CBFA2T3: variants seen among roughly 807,000 people sequenced by gnomAD.
The protein encoded by CBFA2T3 is CBFA2/RUNX1 partner transcriptional co-repressor 3, also known as transcriptional corepressor CBFA2T3.
A neutral mutation model predicts 58.6 loss-of-function variants in CBFA2T3; 31 were observed. The ratio of observed to expected loss-of-function variants is 0.53; its 90% confidence interval spans 0.40 to 0.71. CBFA2T3 has a LOEUF of 0.71. Among genes scored for constraint, CBFA2T3 ranks in the 30% least tolerant of loss-of-function variants. The pLI is 0.00. For missense variants in CBFA2T3, 1,076 were observed against 963.1 expected (o/e 1.12, Z -1.55); for synonymous variants, 531 against 421.9 (o/e 1.26, Z -3.17).
At chr16:88,902,135 C>T (rs567699512) in intron 1 of CBFA2T3, among the ~76,000 whole-genome samples, 124 of 152,364 alleles carry the variant, frequency 8.1e-4, no homozygotes, top group African/African-American at 2.8e-3. Context: ...GCTGGTCTGG[C>T]CCTGGAAGCC....
intron 1 of CBFA2T3, among the ~76,000 whole-genome samples, chr16:88,916,113 C>A (rs571906023): frequency 6.2e-5 from 9 of 145,794 alleles, no homozygotes; most frequent in Non-Finnish European, 9.1e-5. Context: ...GGTGTGTGTC[C>A]GTGTATGTGT....
At chr16:88,907,340 G>A (rs1970372743) in intron 1 of CBFA2T3, among the ~76,000 whole-genome samples, 1 of 151,694 alleles carries the variant, frequency 6.6e-6, no homozygotes, top group Non-Finnish European at 1.5e-5. Flanking sequence ...CCCCTCCCTG[G>A]CTCAGAACAG....
intron 1 of CBFA2T3, among the ~76,000 whole-genome samples, chr16:88,909,064 CA>C (rs780150815): frequency 3.9e-5 from 6 of 152,204 alleles, no homozygotes; most frequent in Admixed American, 3.3e-4. Flanking sequence ...AGGCCCCAGG[CA>C]GGGGAGGAGG....
chr16:88,896,667 G>A (rs1243002259), intron 3 of CBFA2T3, among the ~76,000 whole-genome samples: 1 of 152,188 alleles, frequency 6.6e-6, no homozygotes, highest in African/African-American at 2.4e-5. Context: ...GTCACCATGG[G>A]AGACCTCACT....
intron 5 of CBFA2T3, among the ~76,000 whole-genome samples, chr16:88,891,141 A>T (rs187353987): frequency 6.6e-6 from 1 of 151,876 alleles, no homozygotes; most frequent in Non-Finnish European, 1.5e-5. Context: ...CAGCCACAGA[A>T]GCCCCTTCCC....
intron 1 of CBFA2T3, among the ~76,000 whole-genome samples, chr16:88,913,910 G>A (rs1970605958): frequency 6.6e-6 from 1 of 152,120 alleles, no homozygotes; most frequent in South Asian, 2.1e-4. Flanking sequence ...ACAGCTGCTG[G>A]AATAGCCGGC....
intron 5 of CBFA2T3, among the ~76,000 whole-genome samples, chr16:88,887,732 G>C (rs1232595736): frequency 1.3e-5 from 2 of 152,058 alleles, no homozygotes. Context: ...CAGGGCACCC[G>C]GGGAGGTGTC....
In CBFA2T3 at chr16:88,958,441, C is replaced by T. The variant is rs1223862384; in HGVS notation, c.151+18216G>A. On this transcript the variant is annotated intron_variant, in intron 1 of 11. Coordinates refer to ENST00000268679, the MANE Select transcript of CBFA2T3 (RefSeq NM_005187.6). This position sits in a 1 kb window ranked among gnomAD's most constrained non-coding sequence, Gnocchi z 4.0. ...GGTGTTAGAGTAATGCCAGGCGGGGCGGCGGGGGAAGAAGGTTCTGGGGCG... is the reference window on the plus strand; with the variant it reads ...GGTGTTAGAGTAATGCCAGGCGGGGTGGCGGGGGAAGAAGGTTCTGGGGCG... Among the ~76,000 whole-genome samples, 7 of 131,012 alleles carry T rather than the reference C, an allele frequency of 5.3e-5. No individual in the cohort carries two copies. The highest frequency in any genetic ancestry group is 1.2e-4 in the African/African-American group (4 of 33,904). 85.9% of individuals were successfully genotyped at this position (131,012 alleles called of 152,430 possible). A position where few individuals can be genotyped will look rare whatever the true frequency, so the allele number is the denominator to read the frequency against.
chr16:88,939,818 A>T (rs1971645159), intron 1 of CBFA2T3: 1 of 152,224 alleles, frequency 6.6e-6, no homozygotes, highest in Non-Finnish European at 1.5e-5. Context: ...TGAGGGTCGG[A>T]CGCGCTCAGG....
At chr16:88,914,286 A>C (rs1970619822) in intron 1 of CBFA2T3, among the ~76,000 whole-genome samples, 1 of 152,234 alleles carries the variant, frequency 6.6e-6, no homozygotes, top group Admixed American at 6.5e-5. Context: ...CGCAGTGACC[A>C]GAGGGGGATC....
intron 1 of CBFA2T3, among the ~76,000 whole-genome samples, chr16:88,908,454 A>T (rs1970412224): frequency 6.6e-6 from 1 of 152,166 alleles, no homozygotes; most frequent in Non-Finnish European, 1.5e-5. Context: ...TTCCCAGCAA[A>T]ATGTCACTAA....
chr16:88,910,352 T>TA (rs1970492351), intron 1 of CBFA2T3, among the ~76,000 whole-genome samples: 2 of 152,218 alleles, frequency 1.3e-5, no homozygotes, highest in Admixed American at 6.5e-5. Context: ...CACCCGCCTG[T>TA]CCTGCTCCTT....
At chr16:88,935,360 C>G (rs533285641) in intron 1 of CBFA2T3, among the ~76,000 whole-genome samples, 51 of 152,314 alleles carry the variant, frequency 3.3e-4, no homozygotes, top group African/African-American at 1.2e-3. Flanking sequence ...GTGAGAGCCC[C>G]CCACCACCTG....
At chr16:88,925,444 A>C (rs2142749694) in intron 1 of CBFA2T3, among the ~76,000 whole-genome samples, 1 of 152,226 alleles carries the variant, frequency 6.6e-6, no homozygotes, top group African/African-American at 2.4e-5. Context: ...CCCCCAGGGA[A>C]TATTCTGCAG....
intron 1 of CBFA2T3, among the ~76,000 whole-genome samples, chr16:88,913,096 C>T (rs1277860905): frequency 6.6e-6 from 1 of 152,256 alleles, no homozygotes; most frequent in African/African-American, 2.4e-5. Flanking sequence ...TCCCTGCCCC[C>T]TGGATCTGGG....
At chr16:88,966,930 G>A (rs975267617) in intron 1 of CBFA2T3, among the ~76,000 whole-genome samples, 2 of 152,190 alleles carry the variant, frequency 1.3e-5, no homozygotes, top group African/African-American at 2.4e-5. Context: ...TGAGAACTTC[G>A]TATCACACTC....
chr16:88,882,762 C>A lies in CBFA2T3; in HGVS notation c.1118-1G>T. On this transcript the variant is annotated splice_acceptor_variant, in intron 7 of 11. Transcript: ENST00000268679. LOFTEE classifies it high-confidence loss of function. ...TCTTCCTGCCGGGACCCAGGCACCA[C>A]TGTGGATGGGGGAGGTGCACGCTTA... is the stretch of plus-strand genomic sequence containing the variant. 6.4e-7 allele frequency: 1 copy of A among 1,566,404 alleles called. No homozygotes were observed. The highest frequency in any genetic ancestry group is 8.7e-7 in the Non-Finnish European group (1 of 1,153,148).
intron 1 of CBFA2T3, among the ~76,000 whole-genome samples, chr16:88,904,503 C>T (rs1970227532): frequency 6.6e-6 from 1 of 152,234 alleles, no homozygotes; most frequent in South Asian, 2.1e-4. Context: ...CTCCGCTTGT[C>T]ATCAACACGC....
intron 3 of CBFA2T3, among the ~76,000 whole-genome samples, chr16:88,895,345 C>T (rs1296515935): frequency 6.6e-6 from 1 of 152,188 alleles, no homozygotes; most frequent in African/African-American, 2.4e-5. Flanking sequence ...CCTTCCCGAC[C>T]CGTGGTCTAG....
Sources: gnomAD v4.1 joint callset for allele counts (sites outside exome capture counted in the v4.1 genomes callset) on GRCh38, gnomAD v4.1.1 for gene constraint, Gnocchi (gnomAD v3.1) non-coding constraint, MANE v1.5 for transcripts, NCBI Gene and HGNC (gene_info 2026-07-23, HGNC 2026-07-21) for gene names.